HECW2: variants seen among roughly 807,000 people sequenced by gnomAD.
The protein encoded by HECW2 is HECT, C2 and WW domain containing E3 ubiquitin protein ligase 2.
In HECW2, 61 loss-of-function variants were observed where a neutral mutation model predicts 175.2. The ratio of observed to expected loss-of-function variants is 0.35; its 90% CI spans 0.28 to 0.43. The LOEUF is 0.43. Ranked by LOEUF, HECW2 falls within the 20% of genes least tolerant of loss-of-function variation. HECW2 has a pLI of 1.00. For synonymous variants in HECW2, 671 were observed against 731.0 expected (o/e 0.92, Z 1.32); for missense variants, 1,524 against 2,000.5 (o/e 0.76, Z 4.54).
chr2:196,576,517 G>A (rs893928753), intron 1 of HECW2, among the ~76,000 whole-genome samples: 47 of 152,196 alleles, frequency 3.1e-4, no homozygotes, highest in African/African-American at 1.1e-3. Context: ...GTCCAACTCA[G>A]ACGCACAGAG....
intron 2 of HECW2, among the ~76,000 whole-genome samples, chr2:196,407,357 G>A (rs570675809): frequency 1.3e-5 from 2 of 151,764 alleles, no homozygotes; most frequent in African/African-American, 4.8e-5. Context: ...TTATTCCATG[G>A]TATAAATACT....
At chr2:196,336,287 C>G (rs1692547075) in intron 3 of HECW2, among the ~76,000 whole-genome samples, 1 of 152,358 alleles carries the variant, frequency 6.6e-6, no homozygotes. Context: ...AAACTTTACT[C>G]TCCCACTTGC....
intron 2 of HECW2, among the ~76,000 whole-genome samples, chr2:196,382,407 A>C (rs769946939): frequency 3.9e-5 from 6 of 152,062 alleles, no homozygotes; most frequent in Non-Finnish European, 8.8e-5. Flanking sequence ...GCATTTAGAA[A>C]GTTTTTTGGG....
At chr2:196,445,616 T>C (rs1317881254) in intron 1 of HECW2, among the ~76,000 whole-genome samples, 6 of 152,034 alleles carry the variant, frequency 3.9e-5, no homozygotes, top group African/African-American at 7.2e-5. Context: ...ATGAAAGAAA[T>C]AGAAAGCAAC....
intron 1 of HECW2, among the ~76,000 whole-genome samples, chr2:196,551,989 T>C (rs1689615184): frequency 6.6e-6 from 1 of 152,150 alleles, no homozygotes; most frequent in African/African-American, 2.4e-5. Flanking sequence ...CAACATACCA[T>C]CCTGAATCAC....
intron 15 of HECW2, among the ~76,000 whole-genome samples, chr2:196,274,378 A>G (rs1311152028): frequency 6.6e-6 from 1 of 152,236 alleles, no homozygotes; most frequent in Non-Finnish European, 1.5e-5. Flanking sequence ...CAAGTGGCAC[A>G]GAAGTAGTTC....
intron 14 of HECW2, chr2:196,290,518 T>G (rs1390580404): frequency 6.6e-6 from 1 of 152,198 alleles, no homozygotes; most frequent in Non-Finnish European, 1.5e-5. Context: ...CATTATCCAT[T>G]ATCTTAACTT....
rs769620723 is a variant in HECW2, at chr2:196,242,065, T to C, written c.3650+19A>G. On this transcript the variant is annotated intron_variant, in intron 20 of 28. Coordinates refer to ENST00000644978, the MANE Select transcript of HECW2 (RefSeq NM_001348768.2). ...TTTCACCATCTATACATTATGTGGT[T>C]TGTGTCACTTTGACTTACTTTAACT... 3.1e-6 allele frequency: 5 copies of C among 1,613,268 alleles called. No individual in the cohort carries two copies. The highest frequency in any genetic ancestry group is 3.4e-6 in the Non-Finnish European group (4 of 1,179,242).
At chr2:196,239,446 C>G (rs1446372739) in intron 21 of HECW2, 3 of 152,168 alleles carry the variant, frequency 2.0e-5, no homozygotes, top group African/African-American at 4.8e-5. Flanking sequence ...TTCCCTAGTT[C>G]CATCAGCAGA....
At chr2:196,256,566 A>C (rs11676839) in intron 18 of HECW2, among the ~76,000 whole-genome samples, 87,636 of 152,092 alleles carry the variant, frequency 0.58, 27,768 homozygotes, top group Non-Finnish European at 0.71. Flanking sequence ...TGTTTTTACT[A>C]ATTCCCAAAG....
chr2:196,517,240 G>C (rs1688183363), intron 1 of HECW2, among the ~76,000 whole-genome samples: 1 of 151,928 alleles, frequency 6.6e-6, no homozygotes. Context: ...AGTATTTGAA[G>C]TTCTAAATAT....
chr2:196,261,291 T>C (rs1689281999), intron 17 of HECW2, among the ~76,000 whole-genome samples: 1 of 152,182 alleles, frequency 6.6e-6, no homozygotes, highest in South Asian at 2.1e-4. Context: ...AATTATGCAT[T>C]CATGCTAAAT....
At position 196,271,227 on chromosome 2, in the gene HECW2, G is replaced by C; in HGVS notation, c.3301C>G (p.Arg1101Gly). Residue 1101 changes from arginine to glycine, a missense_variant, in exon 17 of 29, where the codon CGT becomes GGT. This residue lies in a region of HECW2 where 291 missense variants were observed against 412.2 expected (regional missense o/e 0.71). Transcript: ENST00000644978. Reference protein sequence around the residue: ...QPNIFEILQERQPDLTRNHSL... With the variant: ...QPNIFEILQEGQPDLTRNHSL... The stretch of plus-strand genomic sequence containing the variant: ...TGATTCCTGGTAAGATCAGGTTGAC[G>C]CTCCTGTAGAATTTCAAAGATATTG... 6.2e-7 allele frequency: 1 copy of C among 1,610,118 alleles called. No individual in the cohort carries two copies. Among genetic ancestry groups the C allele is most frequent in the Non-Finnish European group, 8.5e-7 (1 of 1,176,542 alleles).
intron 1 of HECW2, among the ~76,000 whole-genome samples, chr2:196,494,781 A>G (rs1212642755): frequency 1.3e-5 from 2 of 152,354 alleles, no homozygotes; most frequent in Non-Finnish European, 2.9e-5. Flanking sequence ...ATCACTTGAC[A>G]GATCTTTATT....
chr2:196,215,979 T>C lies in HECW2; in HGVS notation c.4495-2A>G. The C allele has an allele frequency of 6.2e-7, 1 of 1,606,652 alleles. No individual in the cohort carries two copies. Among genetic ancestry groups the C allele is most frequent in the Non-Finnish European group, 8.5e-7 (1 of 1,173,530 alleles). ...AATGCTGGATGTGCCTGTAACAAAC[T>C]GTCAACCCAAGAAAACAGAAGGAGA... On this transcript the variant is annotated splice_acceptor_variant, in intron 27 of 28. Transcript: ENST00000644978. LOFTEE classifies it high-confidence loss of function.
In HECW2 at chr2:196,480,161, C is replaced by A. The variant is rs148635736; in HGVS notation, c.-35-46703G>T. Among the ~76,000 whole-genome samples, 1,358 of 152,288 alleles carry A rather than the reference C, an allele frequency of 8.9e-3. 12 individuals are homozygous for A. Among genetic ancestry groups the A allele is most frequent in the Non-Finnish European group, 0.015 (1,005 of 68,020 alleles). On this transcript the variant is annotated intron_variant, in intron 1 of 28. Coordinates refer to ENST00000644978, the MANE Select transcript of HECW2 (RefSeq NM_001348768.2). ...AAAAAACAAAAAAAAAGGTGTCTGT[C>A]TGAAATATCTTTCCACACTCCTACT...
chr2:196,375,574 C>A (rs960378841), intron 2 of HECW2, among the ~76,000 whole-genome samples: 2 of 152,036 alleles, frequency 1.3e-5, no homozygotes, highest in African/African-American at 4.8e-5. Flanking sequence ...AAGTGGTAAC[C>A]TTTTTCAAAA....
intron 2 of HECW2, chr2:196,361,681 G>T: frequency 2.4e-6 from 1 of 413,954 alleles, no homozygotes; most frequent in South Asian, 1.0e-4. Flanking sequence ...TTGTCCCTCA[G>T]CCAGCTGGGA....
Position 196,199,932 on chromosome 2 carries a change from T to C in HECW2, c.*1345A>G, listed in dbSNP as rs1313013288. ...GTTCTGAGTTTCAATTTGTGGTGTC[T>C]TCACTGATGAGGGAAAATGGAATTC... On this transcript the variant is annotated 3_prime_UTR_variant, in exon 29 of 29. Transcript: ENST00000644978. 1 of 152,624 alleles carries C rather than the reference T, an allele frequency of 6.6e-6. No individual in the cohort carries two copies. The highest frequency in any genetic ancestry group is 1.5e-5 in the Non-Finnish European group (1 of 68,008). The allele number at this position is 152,624 out of a possible 1,614,324, so 9.5% of individuals were successfully genotyped here. A position where few individuals can be genotyped will look rare whatever the true frequency, so the allele number is the denominator to read the frequency against.
Sources: allele counts gnomAD v4.1 joint callset (sites outside exome capture counted in the v4.1 genomes callset), GRCh38; gene constraint gnomAD v4.1.1; regional missense constraint gnomAD v4.1.1; transcripts MANE v1.5; gene names NCBI Gene and HGNC (gene_info 2026-07-23, HGNC 2026-07-21).